The following RNASE3 variants were observed in gnomAD, a reference collection of about 807,000 sequenced individuals.
RNASE3 encodes ribonuclease A family member 3.
For missense variants in RNASE3, 192 were observed against 205.3 expected, an observed-to-expected ratio of 0.94 and a Z score of 0.40; for synonymous variants, 66 against 72.0, an observed-to-expected ratio of 0.92 and a Z score of 0.42.
rs1363820495 is a variant in RNASE3, at chr14:20,892,136, T to A, written c.450T>A (p.Pro150=). 1 of 1,612,100 alleles carries A rather than the reference T, an allele frequency of 6.2e-7. No homozygotes were observed. The highest frequency in any genetic ancestry group is 1.1e-5 in the South Asian group (1 of 91,006). ...NRDPRDSPRY[P]VVPVHLDTTI is the part of the protein sequence containing the mutation. ...ATCCACGGGATTCTCCACGGTATCC[T>A]GTGGTTCCAGTTCACCTGGATACCA... is the stretch of plus-strand genomic sequence containing the variant. The change falls in exon 2 of 2, where the codon CCT becomes CCA. Residue 150 remains proline (P), a synonymous_variant. Transcript: ENST00000304639.
chr14:20,892,102 A>G lies in RNASE3; in HGVS notation c.416A>G (p.Asp139Gly), dbSNP rs1475277443. 1 of 1,612,456 alleles carries G rather than the reference A, an allele frequency of 6.2e-7. No homozygotes were observed. Among genetic ancestry groups the G allele is most frequent in the Non-Finnish European group, 8.5e-7 (1 of 1,179,994 alleles). ...AGGAGGTTCTATGTAGTTGCATGTG[A>G]CAACAGAGATCCACGGGATTCTCCA... is the stretch of plus-strand genomic sequence containing the variant. Reference protein sequence around the residue: ...PGRRFYVVACDNRDPRDSPRY... With the variant: ...PGRRFYVVACGNRDPRDSPRY... The change falls in exon 2 of 2, where the codon GAC becomes GGC. Residue 139 changes from aspartate to glycine, a missense_variant. Asp to Gly is a moderately conservative substitution (Grantham distance 94). Transcript: ENST00000304639.
At chr14:20,891,567 A>G in intron 1 of RNASE3, 115 bp from the exon 2 acceptor site, 1 of 1,402,996 alleles carries the variant, frequency 7.1e-7, no homozygotes, top group Non-Finnish European at 9.6e-7. Context: ...GGACAGGAAG[A>G]AAAGGAAATG....
Position 20,891,927 on chromosome 14 carries a change from G to T in RNASE3, c.241G>T (p.Val81Phe), listed in dbSNP as rs768722970. Residue 81 changes from valine (V) to phenylalanine (F), a missense_variant, in exon 2 of 2, where the codon GTT becomes TTT. Physicochemically the swap from Val to Phe is conservative, Grantham distance 50. Transcript: ENST00000304639. ...LRTTFANVVNVCGNQSIRCPH... is the reference protein window; with the variant it reads ...LRTTFANVVNFCGNQSIRCPH... ...TACAACTTTTGCTAATGTAGTTAAT[G>T]TTTGTGGTAACCAAAGTATACGCTG... 5 of 1,612,886 alleles carry T rather than the reference G, an allele frequency of 3.1e-6. No homozygotes were observed. In the Admixed American group the frequency reaches 8.3e-5, roughly 27 times the overall value.
Position 20,891,779 on chromosome 14 carries a change from G to A in RNASE3, c.93G>A (p.Gln31=), listed in dbSNP as rs1877563300. 2 of 1,612,718 alleles carry A rather than the reference G, an allele frequency of 1.2e-6. No individual in the cohort carries two copies. The highest frequency in any genetic ancestry group is 1.7e-6 in the Non-Finnish European group (2 of 1,180,044). Residue 31 remains glutamine, a synonymous_variant, in exon 2 of 2, where the codon CAG becomes CAA. Transcript: ENST00000304639. ...VEGSLHARPP[Q]FTRAQWFAIQ... ...GCTCACTCCATGCCAGACCCCCACA[G>A]TTTACGAGGGCTCAGTGGTTTGCCA...
In RNASE3 at chr14:20,892,174, C is replaced by A; in HGVS notation, c.*5C>A. 1 of 1,603,842 alleles carries A rather than the reference C, an allele frequency of 6.2e-7. No individual in the cohort carries two copies. Among genetic ancestry groups the A allele is most frequent in the Non-Finnish European group, 8.5e-7 (1 of 1,175,730 alleles). On this transcript the variant is annotated 3_prime_UTR_variant, in exon 2 of 2. Coordinates refer to ENST00000304639, the MANE Select transcript of RNASE3 (RefSeq NM_002935.3). ...CACCTGGATACCACCATCTAAGCTC[C>A]TGTATCAGCAGTCCTCATCATCACT...
At chr14:20,891,482 G>T in intron 1 of RNASE3, 31 bp downstream of exon 1, 1 of 647,290 alleles carries the variant, frequency 1.5e-6, no homozygotes, top group Non-Finnish European at 2.6e-6. Context: ...GCTGGGACAG[G>T]AGGGGCAGCG....
chr14:20,891,602 G>T lies in RNASE3; in HGVS notation c.-5-80G>T, dbSNP rs1877557283. The T allele has an allele frequency of 3.3e-6, 5 of 1,512,500 alleles. No individual in the cohort carries two copies. In the South Asian group the frequency reaches 6.7e-5, roughly 20 times the overall value. The allele number at this position is 1,512,500 out of a possible 1,614,324, so 93.7% of individuals were successfully genotyped here. A position where few individuals can be genotyped will look rare whatever the true frequency, so the allele number is the denominator to read the frequency against. ...GCGACCCCAGAGTGGCAGCAGAGGG[G>T]CCTGTGGGTTGAGACACTATAGAGT... On this transcript the variant is annotated intron_variant, in intron 1 of 1. Transcript: ENST00000304639.
chr14:20,891,867 C>T lies in RNASE3; in HGVS notation c.181C>T (p.Arg61Ter), dbSNP rs183860442. 1.1e-5 allele frequency: 17 copies of T among 1,612,858 alleles called. No homozygotes were observed. The highest frequency in any genetic ancestry group is 1.4e-5 in the African/African-American group (1 of 73,810). The change falls in exon 2 of 2, where the codon CGA (arginine) becomes TGA (stop). Residue 61 changes from arginine (R) to a stop codon, truncating the protein, a stop_gained. Coordinates refer to ENST00000304639, the MANE Select transcript of RNASE3 (RefSeq NM_002935.3). LOFTEE classifies it low-confidence loss of function (END_TRUNC). ...TIAMRAINNY[R>*]WRCKNQNTFL... ...TGCAATGCGGGCAATTAACAATTAT[C>T]GATGGCGTTGCAAAAACCAAAATAC... is the stretch of plus-strand genomic sequence containing the variant.
chr14:20,891,536 A>T, intron 1 of RNASE3, 85 bp downstream of exon 1: 2 of 1,071,980 alleles, frequency 1.9e-6, no homozygotes, highest in South Asian at 1.6e-5. Context: ...GTTAGTGCTT[A>T]GGAGATGTGG....
intron 1 of RNASE3, 21 bp downstream of exon 1, chr14:20,891,472 G>C: frequency 1.6e-6 from 1 of 618,680 alleles, no homozygotes; most frequent in Non-Finnish European, 2.8e-6. Context: ...AATCCCCAGA[G>C]CTGGGACAGG....
In RNASE3 at chr14:20,892,115, A is replaced by G. The variant is rs1352975984; in HGVS notation, c.429A>G (p.Pro143=). 6.2e-7 allele frequency: 1 copy of G among 1,612,638 alleles called. No homozygotes were observed. Among genetic ancestry groups the G allele is most frequent in the East Asian group, 2.2e-5 (1 of 44,872 alleles). The stretch of plus-strand genomic sequence containing the variant: ...TAGTTGCATGTGACAACAGAGATCC[A>G]CGGGATTCTCCACGGTATCCTGTGG... ...FYVVACDNRD[P]RDSPRYPVVP... The change falls in exon 2 of 2, where the codon CCA becomes CCG. Residue 143 remains proline (P), a synonymous_variant. Transcript: ENST00000304639.
At chr14:20,891,512 AG>A in intron 1 of RNASE3, 61 bp downstream of exon 1, 2 of 825,590 alleles carry the variant, frequency 2.4e-6, no homozygotes, top group Non-Finnish European at 3.8e-6. Context: ...CACCTGAGGG[AG>A]AGGTGAGCTG....
chr14:20,892,054 G>T lies in RNASE3; in HGVS notation c.368G>T (p.Cys123Phe). ...CCAGGTGCACAGAATATTTCAAACT[G>T]CACGTATGCAGACAGACCAGGAAGG... The part of the protein sequence containing the change: ...INPGAQNISN[C>F]TYADRPGRRF... Residue 123 changes from cysteine to phenylalanine, a missense_variant, in exon 2 of 2, where the codon TGC (cysteine) becomes TTC (phenylalanine). Coordinates refer to ENST00000304639, the MANE Select transcript of RNASE3 (RefSeq NM_002935.3). 1 of 1,612,588 alleles carries T rather than the reference G, an allele frequency of 6.2e-7. No individual in the cohort carries two copies. The highest frequency in any genetic ancestry group is 8.5e-7 in the Non-Finnish European group (1 of 1,180,014).
chr14:20,891,578 C>A (rs539808551), intron 1 of RNASE3, 104 bp from the exon 2 acceptor site: 3 of 1,449,184 alleles, frequency 2.1e-6, no homozygotes, highest in South Asian at 1.4e-5. Flanking sequence ...AAAGGAAATG[C>A]GACCCCAGAG....
Position 20,891,650 on chromosome 14 carries a change from G to C in RNASE3, c.-5-32G>C, listed in dbSNP as rs1370347103. ...AGTGTGTCATAACCGAGACCGGATC[G>C]GGGAGTAGTTACTTCTCTTCTTTTC... On this transcript the variant is annotated intron_variant, in intron 1 of 1. Transcript: ENST00000304639. 5.7e-6 allele frequency: 9 copies of C among 1,586,828 alleles called. No individual in the cohort carries two copies. In the African/African-American group the frequency reaches 8.3e-5, roughly 15 times the overall value.
rs1050784416 is a variant in RNASE3 at position 20,892,309 on chromosome 14, G to A, written c.*140G>A. On this transcript the variant is annotated 3_prime_UTR_variant, in exon 2 of 2. Transcript: ENST00000304639. ...ACCCCTTCAGCTTTCCTGAGCTGAA[G>A]TCCCTTGTGAACCCTGCAATAAACT... is the stretch of plus-strand genomic sequence containing the variant. 8.2e-7 allele frequency: 1 copy of A among 1,225,862 alleles called. No individual in the cohort carries two copies. The highest frequency in any genetic ancestry group is 1.6e-5 in the African/African-American group (1 of 63,394). The allele number at this position is 1,225,862 out of a possible 1,614,324, so 75.9% of individuals were successfully genotyped here. A position where few individuals can be genotyped will look rare whatever the true frequency, so the allele number is the denominator to read the frequency against.
chr14:20,891,787 G>A lies in RNASE3; in HGVS notation c.101G>A (p.Arg34Lys). The A allele has an allele frequency of 1.2e-6, 2 of 1,612,838 alleles. No individual in the cohort carries two copies. Among genetic ancestry groups the A allele is most frequent in the South Asian group, 2.2e-5 (2 of 91,068 alleles). Reference protein sequence around the residue: ...SLHARPPQFTRAQWFAIQHIS... With the variant: ...SLHARPPQFTKAQWFAIQHIS... ...CATGCCAGACCCCCACAGTTTACGA[G>A]GGCTCAGTGGTTTGCCATCCAGCAC... is the stretch of plus-strand genomic sequence containing the variant. Residue 34 changes from arginine to lysine, a missense_variant, in exon 2 of 2, where the codon AGG (arginine) becomes AAG (lysine). Coordinates refer to ENST00000304639, the MANE Select transcript of RNASE3 (RefSeq NM_002935.3).
Position 20,891,709 on chromosome 14 carries a change from C to T in RNASE3, c.23C>T (p.Ser8Phe). MVPKLFT[S>F]QICLLLLLGL... ...AACATGGTTCCAAAACTGTTCACTT[C>T]CCAAATTTGTCTGCTTCTTCTGTTG... The change falls in exon 2 of 2, where the codon TCC becomes TTC. Residue 8 changes from serine (S) to phenylalanine (F), a missense_variant. Transcript: ENST00000304639. 1 of 1,611,184 alleles carries T rather than the reference C, an allele frequency of 6.2e-7. No homozygotes were observed. The highest frequency in any genetic ancestry group is 1.7e-5 in the Admixed American group (1 of 59,630).
At chr14:20,891,490 G>C in intron 1 of RNASE3, 39 bp downstream of exon 1, 1 of 688,658 alleles carries the variant, frequency 1.5e-6, no homozygotes, top group Non-Finnish European at 2.4e-6. Context: ...AGGAGGGGCA[G>C]CGACAGGGCA....
Sources: gnomAD v4.1 joint callset for allele counts on GRCh38, gnomAD v4.1.1 for gene constraint, MANE v1.5 for transcripts, NCBI Gene and HGNC (gene_info 2026-07-23, HGNC 2026-07-21) for gene names.